HGSNAT: variants seen among roughly 807,000 people sequenced by gnomAD.
HGSNAT encodes transmembrane protein 76.
In HGSNAT, 59 loss-of-function variants were observed where a neutral mutation model predicts 85.2. The ratio of observed to expected loss-of-function variants is 0.69; its 90% CI spans 0.56 to 0.86. HGSNAT has a LOEUF of 0.86. Ranked by LOEUF, HGSNAT falls within the 40% of genes least tolerant of loss-of-function variation. HGSNAT has a pLI of 0.00. For missense variants in HGSNAT, 756 were observed against 777.1 expected, an observed-to-expected ratio of 0.97 and a Z score of 0.32; for synonymous variants, 321 against 304.5, an observed-to-expected ratio of 1.05 and a Z score of -0.56.
intron 11 of HGSNAT, among the ~76,000 whole-genome samples, chr8:43,190,300 A>G (rs1379651202): frequency 6.6e-6 from 1 of 152,184 alleles, no homozygotes; most frequent in African/African-American, 2.4e-5. Flanking sequence ...CCTATTCAAC[A>G]ATCAGTTAAT....
chr8:43,192,397 A>G lies in HGSNAT; in HGVS notation c.1344A>G (p.Gly448=), dbSNP rs1804569590. Residue 448 remains glycine, a synonymous_variant, in exon 13 of 18, where the codon GGA becomes GGG. Coordinates refer to ENST00000379644, the MANE Select transcript of HGSNAT (RefSeq NM_152419.3). The part of the protein sequence containing the change: ...AAGYIDRLLL[G]DDHLYQHPSS... ...GCTACATCGACCGCCTGCTGCTGGG[A>G]GACGATCACCTTTACCAGCACCCAT... 1 of 1,613,362 alleles carries G rather than the reference A, an allele frequency of 6.2e-7. No homozygotes were observed. Among genetic ancestry groups the G allele is most frequent in the Admixed American group, 1.7e-5 (1 of 59,946 alleles).
intron 14 of HGSNAT, among the ~76,000 whole-genome samples, chr8:43,195,264 C>T (rs1804665999): frequency 6.6e-6 from 1 of 152,092 alleles, no homozygotes; most frequent in South Asian, 2.1e-4. Flanking sequence ...TAATAGCCTG[C>T]TGTGGACCCA....
intron 6 of HGSNAT, among the ~76,000 whole-genome samples, chr8:43,169,447 G>A (rs955830864): frequency 2.0e-5 from 3 of 152,180 alleles, no homozygotes; most frequent in African/African-American, 4.8e-5. Context: ...ACATTGGAAC[G>A]TTCCGCTCTA....
intron 11 of HGSNAT, among the ~76,000 whole-genome samples, chr8:43,188,087 A>G (rs1181030576): frequency 6.6e-6 from 1 of 151,872 alleles, no homozygotes; most frequent in Non-Finnish European, 1.5e-5. Flanking sequence ...TTTTTCCTTC[A>G]TTTCAACTTT....
chr8:43,142,281 A>T (rs1029052771), intron 1 of HGSNAT, among the ~76,000 whole-genome samples: 6 of 151,862 alleles, frequency 4.0e-5, no homozygotes, highest in Non-Finnish European at 5.9e-5. Context: ...AGAAGGAAAT[A>T]ATTGTTCTTT....
chr8:43,199,280 A>C, intron 17 of HGSNAT, 108 bp from the exon 18 acceptor site: 205 of 674,606 alleles, frequency 3.0e-4, no homozygotes, highest in Middle Eastern at 6.5e-4. Flanking sequence ...CAACAATGGA[A>C]GTGCACACTT....
intron 4 of HGSNAT, among the ~76,000 whole-genome samples, chr8:43,161,229 G>A (rs1368639913): frequency 1.3e-5 from 2 of 152,148 alleles, no homozygotes; most frequent in Non-Finnish European, 2.9e-5. Context: ...TATATAGGGT[G>A]ATGGTACCAT....
At chr8:43,196,817 C>A in intron 14 of HGSNAT, 131 bp from the exon 15 acceptor site, 1 of 659,838 alleles carries the variant, frequency 1.5e-6, no homozygotes. Flanking sequence ...TCCCGCCTCC[C>A]TGTAATCCCA....
rs369292480 is a variant in HGSNAT at position 43,170,666 on chromosome 8, C to T, written c.715C>T (p.Arg239Cys). 38 of 1,606,298 alleles carry T rather than the reference C, an allele frequency of 2.4e-5. No homozygotes were observed. In the African/African-American group the frequency reaches 3.2e-4, roughly 14 times the overall value. Residue 239 changes from arginine (R) to cysteine (C), a missense_variant, in exon 7 of 18, where the codon CGC (arginine) becomes TGC (cysteine). By Grantham distance (180) the Arg-to-Cys change is radical. Coordinates refer to ENST00000379644, the MANE Select transcript of HGSNAT (RefSeq NM_152419.3). Reference sequence around the variant, plus strand: ...GTGGCGTCTATCTGCCCTGCCGCCCCGCCTCCGCAGCGTGGACACCTTCAG... The same window carrying T: ...GTGGCGTCTATCTGCCCTGCCGCCCTGCCTCCGCAGCGTGGACACCTTCAG... ...ATWRLSALPP[R>C]LRSVDTFRGI...
intron 5 of HGSNAT, among the ~76,000 whole-genome samples, chr8:43,163,962 C>T (rs1025537237): frequency 1.3e-5 from 2 of 152,146 alleles, no homozygotes; most frequent in Non-Finnish European, 2.9e-5. Flanking sequence ...TATTTGGATA[C>T]TGAATTGAAC....
chr8:43,195,558 G>C (rs1202052289), intron 14 of HGSNAT, among the ~76,000 whole-genome samples: 6 of 147,266 alleles, frequency 4.1e-5, no homozygotes, highest in Non-Finnish European at 7.5e-5. Flanking sequence ...GGAGGAGGAG[G>C]ATGAGGAGGA....
intron 5 of HGSNAT, among the ~76,000 whole-genome samples, chr8:43,168,903 T>TA (rs1803519956): frequency 6.6e-6 from 1 of 152,234 alleles, no homozygotes; most frequent in Non-Finnish European, 1.5e-5. Context: ...GGGGAATAGT[T>TA]ACCTCATTTA....
intron 14 of HGSNAT, chr8:43,194,482 C>T (rs1460468447): frequency 1.0e-6 from 1 of 985,318 alleles, no homozygotes; most frequent in East Asian, 1.1e-4. Context: ...TCATTTGTCA[C>T]ACTTCTTTCA....
intron 8 of HGSNAT, 104 bp from the exon 9 acceptor site, chr8:43,173,609 C>T: frequency 1.6e-6 from 2 of 1,283,610 alleles, no homozygotes; most frequent in Non-Finnish European, 2.2e-6. Context: ...CTGCGCCTCC[C>T]CTGGGTTTAC....
At chr8:43,152,158 G>T (rs1802941815) in intron 2 of HGSNAT, among the ~76,000 whole-genome samples, 2 of 152,268 alleles carry the variant, frequency 1.3e-5, no homozygotes, top group Admixed American at 6.5e-5. Flanking sequence ...GGGCATGGTG[G>T]TGGGCGCTTG....
At chr8:43,166,121 A>G (rs1803427536) in intron 5 of HGSNAT, among the ~76,000 whole-genome samples, 1 of 152,164 alleles carries the variant, frequency 6.6e-6, no homozygotes, top group African/African-American at 2.4e-5. Flanking sequence ...GAAAAGTTGG[A>G]AACTAGCAGA....
At chr8:43,173,529 C>T (rs1229472273) in intron 8 of HGSNAT, among the ~76,000 whole-genome samples, 184 bp from the exon 9 acceptor site, 2 of 152,054 alleles carry the variant, frequency 1.3e-5, no homozygotes, top group Admixed American at 6.5e-5. Context: ...AGGCTAGTCT[C>T]GAACTCCTGA....
At chr8:43,177,635 G>C (rs1803860633) in intron 9 of HGSNAT, among the ~76,000 whole-genome samples, 1 of 151,334 alleles carries the variant, frequency 6.6e-6, no homozygotes, top group African/African-American at 2.4e-5. Context: ...GTATTACTTA[G>C]ACTAAATGGA....
Position 43,196,467 on chromosome 8 carries a change from C to T in HGSNAT, c.1465-481C>T, listed in dbSNP as rs1044870731. 48 of 1,289,572 alleles carry T rather than the reference C, an allele frequency of 3.7e-5. No individual in the cohort carries two copies. In the East Asian group the frequency reaches 6.1e-4, roughly 16 times the overall value. The allele number at this position is 1,289,572 out of a possible 1,614,324, so 79.9% of individuals were successfully genotyped here. On this transcript the variant is annotated intron_variant, in intron 14 of 17. Transcript: ENST00000379644. ...TGGGTCACCAAACAGGCCTGTCTGA[C>T]GGAACCCTTGTCACCTTTGTGGAGA...
Sources: allele counts gnomAD v4.1 joint callset (sites outside exome capture counted in the v4.1 genomes callset), GRCh38; gene constraint gnomAD v4.1.1; transcripts MANE v1.5; gene names NCBI Gene and HGNC (gene_info 2026-07-23, HGNC 2026-07-21).